The following RPH3AL variants were observed in gnomAD, a reference collection of about 807,000 sequenced individuals.
The protein encoded by RPH3AL is rab effector Noc2.
A neutral mutation model predicts 43.1 loss-of-function variants in RPH3AL; 38 were observed. That is an observed-to-expected ratio of 0.88 (90% CI 0.68 to 1.15). RPH3AL has a LOEUF of 1.15. Among genes scored for constraint, RPH3AL ranks in the 50% most tolerant of loss-of-function variants. RPH3AL has a pLI of 0.00. For missense variants in RPH3AL, 462 were observed against 423.2 expected (o/e 1.09, Z -0.81); for synonymous variants, 189 against 176.3 (o/e 1.07, Z -0.57).
chr17:329,727 A>G (rs1229917452), intron 2 of RPH3AL, among the ~76,000 whole-genome samples: 1 of 152,236 alleles, frequency 6.6e-6, no homozygotes. Context: ...TTCACAAAAA[A>G]CAGCTGGACC....
intron 2 of RPH3AL, chr17:332,500 C>G (rs1466639239): frequency 6.0e-6 from 1 of 167,960 alleles, no homozygotes; most frequent in Non-Finnish European, 1.3e-5. Context: ...CCCTCCCTTC[C>G]TGATGCCCAC....
rs1259254525 is a variant in RPH3AL, at chr17:322,450, TTAAC to T, written c.78-1039_78-1036del. The T allele has an allele frequency of 3.9e-5, 6 of 152,354 alleles. No individual in the cohort carries two copies. Among genetic ancestry groups the T allele is most frequent in the Admixed American group, 3.9e-4 (6 of 15,308 alleles). The allele number at this position is 152,354 out of a possible 1,614,324, so 9.4% of individuals were successfully genotyped here. Reference sequence around the variant, plus strand: ...GCCAATCAATGACACAGATACCTATTTAACTAACAGGTCTAAGGCGTTTTCATTC... The same window carrying T: ...GCCAATCAATGACACAGATACCTATTTAACAGGTCTAAGGCGTTTTCATTC... On this transcript the variant is annotated intron_variant, in intron 3 of 9. Transcript: ENST00000331302. This position sits in a 1 kb window ranked among gnomAD's most constrained non-coding sequence, Gnocchi z 4.0.
rs1440215711 is a variant in RPH3AL at position 322,347 on chromosome 17, A to T, written c.78-932T>A. On this transcript the variant is annotated intron_variant, in intron 3 of 9. Transcript: ENST00000331302. This position sits in a 1 kb window ranked among gnomAD's most constrained non-coding sequence, Gnocchi z 4.0. ...CCCTGAGACATTCCGTGCCTGTGAC[A>T]TTGCTGTGTGCAGAGATGAACGAGA... 1 of 152,262 alleles carries T rather than the reference A, an allele frequency of 6.6e-6. No homozygotes were observed. Among genetic ancestry groups the T allele is most frequent in the Non-Finnish European group, 1.5e-5 (1 of 68,104 alleles). 9.4% of individuals were successfully genotyped at this position (152,262 alleles called of 1,614,324 possible).
intron 1 of RPH3AL, among the ~76,000 whole-genome samples, chr17:350,605 T>A (rs575388898): frequency 6.6e-6 from 1 of 151,840 alleles, no homozygotes; most frequent in Non-Finnish European, 1.5e-5. Flanking sequence ...CAAGACCCCA[T>A]CTCAAAAAAA....
Position 328,936 on chromosome 17 carries a change from T to C in RPH3AL, c.-36-1357A>G, listed in dbSNP as rs1391491564. Among the ~76,000 whole-genome samples the C allele has an allele frequency of 6.6e-6, 1 of 152,006 alleles. No homozygotes were observed. Among genetic ancestry groups the C allele is most frequent in the Non-Finnish European group, 1.5e-5 (1 of 67,996 alleles). On this transcript the variant is annotated intron_variant, in intron 2 of 9. Coordinates refer to ENST00000331302, the MANE Select transcript of RPH3AL (RefSeq NM_006987.4). This position sits in a 1 kb window ranked among gnomAD's most constrained non-coding sequence, Gnocchi z 4.2. ...ATACAGTGTGTCCAGAATAAGCAAA[T>C]CTAGAGAGACGGAAGGTGAGGAGTG...
chr17:277,428 T>C (rs1837647820), intron 6 of RPH3AL, among the ~76,000 whole-genome samples: 1 of 152,130 alleles, frequency 6.6e-6, no homozygotes, highest in African/African-American at 2.4e-5. Context: ...AAGAGTAAAA[T>C]GTAGAGAGTA....
In RPH3AL at chr17:323,663, A is replaced by C. The variant is rs545029900; in HGVS notation, c.78-2248T>G. On this transcript the variant is annotated intron_variant, in intron 3 of 9. Transcript: ENST00000331302. This position sits in a 1 kb window ranked among gnomAD's most constrained non-coding sequence, Gnocchi z 4.4. The stretch of plus-strand genomic sequence containing the variant: ...AAGGAAGGGTCCCAGGAACACACAG[A>C]AGGAGGGACAGAAGCATCAGCACCG... 6.6e-6 allele frequency among the ~76,000 whole-genome samples: 1 copy of C among 152,128 alleles called. No individual in the cohort carries two copies. The highest frequency in any genetic ancestry group is 1.5e-5 in the Non-Finnish European group (1 of 68,008).
chr17:309,156 G>A (rs577921885), intron 5 of RPH3AL, among the ~76,000 whole-genome samples: 13 of 152,256 alleles, frequency 8.5e-5, no homozygotes, highest in South Asian at 8.3e-4. Context: ...TTTTCCAGGC[G>A]AGGTGGTGCA....
intron 7 of RPH3AL, among the ~76,000 whole-genome samples, chr17:231,463 G>A (rs80354173): frequency 0.073 from 11,175 of 152,338 alleles, 491 homozygotes; most frequent in African/African-American, 0.091. Context: ...TGCAAGGCCA[G>A]GCCTCACCTG....
intron 5 of RPH3AL, among the ~76,000 whole-genome samples, chr17:311,528 C>G (rs1290594268): frequency 6.6e-6 from 1 of 152,186 alleles, no homozygotes; most frequent in Non-Finnish European, 1.5e-5. Flanking sequence ...GCACGTCACA[C>G]TAGAGAATAC....
intron 6 of RPH3AL, 102 bp from the exon 7 acceptor site, chr17:247,387 C>T: frequency 8.0e-7 from 1 of 1,252,576 alleles, no homozygotes; most frequent in Non-Finnish European, 1.1e-6. Flanking sequence ...GAGCTAGGAG[C>T]AGAGTGGGAG....
chr17:236,298 G>A (rs1247249657), intron 7 of RPH3AL, among the ~76,000 whole-genome samples: 1 of 152,208 alleles, frequency 6.6e-6, no homozygotes, highest in East Asian at 1.9e-4. Flanking sequence ...TCTGTGGCTG[G>A]ATGGCTATTG....
chr17:294,096 G>A lies in RPH3AL; in HGVS notation c.352-12242C>T, dbSNP rs543299145. ...TCAATCAAAGGGGAAAGCACAGGAC[G>A]TGGGGCTTGGTCTCCAGGGGTTCCT... is the stretch of plus-strand genomic sequence containing the variant. On this transcript the variant is annotated intron_variant, in intron 5 of 9. Transcript: ENST00000331302. Among the ~76,000 whole-genome samples, 10 of 152,256 alleles carry A rather than the reference G, an allele frequency of 6.6e-5. No homozygotes were observed. In the South Asian group the frequency reaches 8.3e-4, roughly 13 times the overall value.
At chr17:272,122 A>T (rs2042479041) in intron 6 of RPH3AL, among the ~76,000 whole-genome samples, 1 of 152,214 alleles carries the variant, frequency 6.6e-6, no homozygotes, top group Non-Finnish European at 1.5e-5. Flanking sequence ...GCTGGAGAGG[A>T]TGTGGAGAAA....
intron 5 of RPH3AL, among the ~76,000 whole-genome samples, chr17:297,919 G>GCA (rs1409063519): frequency 1.3e-5 from 2 of 152,134 alleles, no homozygotes; most frequent in Non-Finnish European, 2.9e-5. Flanking sequence ...GGGGAGAGAG[G>GCA]CAAGAAAATG....
intron 1 of RPH3AL, chr17:349,305 C>T (rs2045309141): frequency 6.6e-6 from 1 of 152,154 alleles, no homozygotes; most frequent in African/African-American, 2.4e-5. Flanking sequence ...CTGGCACCAA[C>T]TTGGGCAGAG....
chr17:273,068 CGACGTCAGGGAGAGACCCCAGCGAGGGT>C (rs2042543676), intron 6 of RPH3AL, among the ~76,000 whole-genome samples: 17 of 53,580 alleles, frequency 3.2e-4, no homozygotes, highest in East Asian at 8.0e-4. Context: ...CCAGCGAGGG[CGACGTCAGGGAGAGACCCCAGCGAGGGT>C]GACGTCAGGG....
intron 7 of RPH3AL, among the ~76,000 whole-genome samples, chr17:231,285 G>T (rs55708782): frequency 0.12 from 18,018 of 152,182 alleles, 1,589 homozygotes; most frequent in African/African-American, 0.25. Context: ...GGCCCATGGG[G>T]TCTGTGGTCA....
intron 2 of RPH3AL, among the ~76,000 whole-genome samples, chr17:329,700 T>C (rs2044704014): frequency 6.6e-6 from 1 of 152,236 alleles, no homozygotes; most frequent in African/African-American, 2.4e-5. Context: ...TTTTTACAAC[T>C]CTTTTTAATG....
Sources: allele counts gnomAD v4.1 joint callset (sites outside exome capture counted in the v4.1 genomes callset), GRCh38; gene constraint gnomAD v4.1.1; non-coding constraint Gnocchi (gnomAD v3.1); transcripts MANE v1.5; gene names NCBI Gene and HGNC (gene_info 2026-07-23, HGNC 2026-07-21).